The following NOL4L variants were observed in gnomAD, a reference collection of about 807,000 sequenced individuals.
NOL4L encodes nucleolar protein 4-like.
A neutral mutation model predicts 64.5 loss-of-function variants in NOL4L; 7 were observed. That is an observed-to-expected ratio of 0.11 (90% CI 0.06 to 0.20). NOL4L has a LOEUF of 0.20. Among genes scored for constraint, NOL4L ranks in the 10% least tolerant of loss-of-function variants. The pLI is 1.00. For synonymous variants in NOL4L, 413 were observed against 401.0 expected (o/e 1.03, Z -0.36); for missense variants, 680 against 967.1 (o/e 0.70, Z 3.94).
At chr20:32,475,684 G>A (rs962938721) in intron 4 of NOL4L, among the ~76,000 whole-genome samples, 7 of 152,234 alleles carry the variant, frequency 4.6e-5, no homozygotes, top group African/African-American at 1.7e-4. Flanking sequence ...CCCACACCCG[G>A]AGTTCTGGCC....
At chr20:32,574,735 G>C (rs764487623) in intron 1 of NOL4L, among the ~76,000 whole-genome samples, 7 of 152,110 alleles carry the variant, frequency 4.6e-5, no homozygotes, top group Non-Finnish European at 1.0e-4. Flanking sequence ...CTCCAAGCTG[G>C]AGAGGGGGCC....
intron 1 of NOL4L, among the ~76,000 whole-genome samples, chr20:32,534,675 A>AC (rs1035874621): frequency 1.3e-5 from 2 of 151,424 alleles, no homozygotes; most frequent in Admixed American, 6.6e-5. Flanking sequence ...CAATACGGTG[A>AC]CCCCCACTCC....
At position 32,465,138 on chromosome 20, in the gene NOL4L, C is replaced by T. The variant is rs2014433694; in HGVS notation, c.842-8743G>A. On this transcript the variant is annotated intron_variant, in intron 5 of 10. Transcript: ENST00000621426. ...GGGCCCTGGAGACAGACACCACCTT[C>T]AGTGGAGGGGGAGGTGGACACCAAT... 4 of 497,808 alleles carry T rather than the reference C, an allele frequency of 8.0e-6. No individual in the cohort carries two copies. In the South Asian group the frequency reaches 1.3e-4, roughly 16 times the overall value. The allele number at this position is 497,808 out of a possible 1,614,324, so 30.8% of individuals were successfully genotyped here.
intron 4 of NOL4L, among the ~76,000 whole-genome samples, chr20:32,477,134 T>G (rs534593464): frequency 6.6e-6 from 1 of 152,318 alleles, no homozygotes; most frequent in South Asian, 2.1e-4. Flanking sequence ...ATACGCACAC[T>G]CTGGCCTCTC....
chr20:32,462,208 A>G (rs1167644170), intron 5 of NOL4L, among the ~76,000 whole-genome samples: 2 of 152,168 alleles, frequency 1.3e-5, no homozygotes, highest in Non-Finnish European at 2.9e-5. Context: ...TGTGCCTGCC[A>G]CCTAGGAAGG....
intron 2 of NOL4L, among the ~76,000 whole-genome samples, chr20:32,524,826 C>T (rs981031864): frequency 1.3e-5 from 2 of 152,116 alleles, no homozygotes; most frequent in African/African-American, 2.4e-5. Flanking sequence ...GGCATCCAGG[C>T]ACCACCCCCT....
intron 5 of NOL4L, among the ~76,000 whole-genome samples, chr20:32,466,671 C>A (rs1204458876): frequency 3.3e-5 from 5 of 152,118 alleles, no homozygotes; most frequent in African/African-American, 1.2e-4. Context: ...GTGGGACCTG[C>A]ACCCAGAGAA....
At chr20:32,509,792 C>T (rs1397345452) in intron 4 of NOL4L, 5 of 1,302,494 alleles carry the variant, frequency 3.8e-6, no homozygotes, top group Non-Finnish European at 5.1e-6. Flanking sequence ...CTAGTGGTGA[C>T]CTGGATTTAG....
rs543768294 is a variant in NOL4L, at chr20:32,490,144, A to AAAAAC, written c.700-15403_700-15402insGTTTT. Among the ~76,000 whole-genome samples the AAAAAC allele has an allele frequency of 3.8e-3, 466 of 122,140 alleles. 69 individuals carry two copies. The East Asian group carries it at 0.088, about 23-fold the overall frequency. The allele number at this position is 122,140 out of a possible 152,430, so 80.1% of individuals were successfully genotyped here. ...ACTCCATCTCAAAAAAAAAAAAAAA[A>AAAAAC]ATATATATACACATATATATATGTA... On this transcript the variant is annotated intron_variant, in intron 4 of 10. Transcript: ENST00000621426.
chr20:32,474,347 C>T (rs1455890894), intron 5 of NOL4L, among the ~76,000 whole-genome samples: 2 of 152,240 alleles, frequency 1.3e-5, no homozygotes, highest in African/African-American at 4.8e-5. Context: ...ACCAGGCAGA[C>T]CCCCCGCCCC....
intron 1 of NOL4L, among the ~76,000 whole-genome samples, chr20:32,569,444 CAG>C (rs1299627761): frequency 2.0e-5 from 3 of 152,128 alleles, no homozygotes; most frequent in Non-Finnish European, 4.4e-5. Context: ...GCGGAAGTAA[CAG>C]GGAGGACAAT....
At chr20:32,457,920 C>G (rs368871844) in intron 5 of NOL4L, among the ~76,000 whole-genome samples, 2 of 152,232 alleles carry the variant, frequency 1.3e-5, no homozygotes, top group African/African-American at 4.8e-5. Flanking sequence ...TACTGAGCAC[C>G]TACTGAGTGC....
chr20:32,520,797 G>T lies in NOL4L; in HGVS notation c.589+14C>A, dbSNP rs573040793. The T allele has an allele frequency of 5.3e-6, 8 of 1,511,094 alleles. No individual in the cohort carries two copies. The highest frequency in any genetic ancestry group is 7.2e-6 in the Non-Finnish European group (8 of 1,111,442). 93.6% of individuals were successfully genotyped at this position (1,511,094 alleles called of 1,614,324 possible). A position where few individuals can be genotyped will look rare whatever the true frequency, so the allele number is the denominator to read the frequency against. ...GGCCCCCGCCCTAGCCCTCCAGCAC[G>T]CCACCCCTGCTACCTTTGGGTTCCA... On this transcript the variant is annotated intron_variant, in intron 3 of 10. Transcript: ENST00000621426.
At chr20:32,536,021 A>C in intron 1 of NOL4L, 2 of 985,662 alleles carry the variant, frequency 2.0e-6, no homozygotes, top group Non-Finnish European at 2.4e-6. Context: ...CCCCCACCCC[A>C]GGCAAGGGGC....
rs1306803950 is a variant in NOL4L, at chr20:32,464,565, C to T, written c.842-8170G>A. ...CAGCCCCGGGGCGCCAGTTCCTCTACCCCCACAGCATGCGCCTCCTCTGCG... is the reference window on the plus strand; with the variant it reads ...CAGCCCCGGGGCGCCAGTTCCTCTATCCCCACAGCATGCGCCTCCTCTGCG... On this transcript the variant is annotated intron_variant, in intron 5 of 10. Coordinates refer to ENST00000621426, the MANE Select transcript of NOL4L (RefSeq NM_001256798.2). This position sits in a 1 kb window ranked among gnomAD's most constrained non-coding sequence, Gnocchi z 5.6. Among the ~76,000 whole-genome samples the T allele has an allele frequency of 6.6e-6, 1 of 152,208 alleles. No homozygotes were observed. The highest frequency in any genetic ancestry group is 2.4e-5 in the African/African-American group (1 of 41,444).
chr20:32,526,252 C>T (rs1488425996), intron 2 of NOL4L, among the ~76,000 whole-genome samples: 2 of 152,164 alleles, frequency 1.3e-5, no homozygotes, highest in Non-Finnish European at 2.9e-5. Context: ...CCCATGTGGG[C>T]CCCAGCCTGG....
chr20:32,524,957 C>T (rs746232296), intron 2 of NOL4L, among the ~76,000 whole-genome samples: 7 of 152,236 alleles, frequency 4.6e-5, no homozygotes, highest in Non-Finnish European at 8.8e-5. Context: ...CTCACACCCA[C>T]GGCAGGAGGG....
chr20:32,536,228 G>A (rs2018517972), intron 1 of NOL4L: 1 of 985,450 alleles, frequency 1.0e-6, no homozygotes, highest in African/African-American at 1.7e-5. Flanking sequence ...ACAGGGAATC[G>A]GGAGTCACCG....
At chr20:32,472,423 A>C (rs2015089829) in intron 5 of NOL4L, among the ~76,000 whole-genome samples, 1 of 152,166 alleles carries the variant, frequency 6.6e-6, no homozygotes, top group African/African-American at 2.4e-5. Context: ...CGGGGAGTGG[A>C]GCACACAGAG....
Sources: allele counts gnomAD v4.1 joint callset (sites outside exome capture counted in the v4.1 genomes callset), GRCh38; gene constraint gnomAD v4.1.1; non-coding constraint Gnocchi (gnomAD v3.1); transcripts MANE v1.5; gene names NCBI Gene and HGNC (gene_info 2026-07-23, HGNC 2026-07-21).